COPB1: variants seen among roughly 807,000 people sequenced by gnomAD.
The protein encoded by COPB1 is coat protein complex I subunit beta 1.
COPB1 carries 21 observed loss-of-function variants against 108.7 expected under a neutral mutation model. That is an observed-to-expected ratio of 0.19 (90% CI 0.14 to 0.28). The LOEUF is 0.28. COPB1 is among the 10% of genes least tolerant of loss of function. The pLI is 1.00. For synonymous variants in COPB1, 378 were observed against 386.8 expected, an observed-to-expected ratio of 0.98 and a Z score of 0.27; for missense variants, 919 against 1,141.3, an observed-to-expected ratio of 0.81 and a Z score of 2.81.
chr11:14,496,056 A>T (rs1479146623), intron 2 of COPB1, among the ~76,000 whole-genome samples: 1 of 152,210 alleles, frequency 6.6e-6, no homozygotes, highest in Non-Finnish European at 1.5e-5. Flanking sequence ...GAGGTATTCC[A>T]TTACTGCTGA....
intron 21 of COPB1, 124 bp from the exon 22 acceptor site, chr11:14,458,007 C>T (rs72868007): frequency 2.0e-6 from 1 of 493,912 alleles, no homozygotes; most frequent in East Asian, 3.8e-5. Flanking sequence ...CAAGGACATA[C>T]CAAACAGACT....
chr11:14,470,940 ACACACTCT>A (rs1201503698), intron 14 of COPB1, among the ~76,000 whole-genome samples: 2 of 85,770 alleles, frequency 2.3e-5, no homozygotes, highest in African/African-American at 5.1e-5. Context: ...ACACACACAC[ACACACTCT>A]CTCTCTCTCT....
At chr11:14,475,090 T>A (rs1850491666) in intron 13 of COPB1, among the ~76,000 whole-genome samples, 1 of 85,272 alleles carries the variant, frequency 1.2e-5, no homozygotes, top group East Asian at 2.9e-4. Flanking sequence ...CAAGACTCTG[T>A]GTCAAAAAAA....
intron 18 of COPB1, among the ~76,000 whole-genome samples, chr11:14,463,954 C>G (rs368363968): frequency 1.5e-4 from 23 of 152,300 alleles, no homozygotes; most frequent in African/African-American, 5.3e-4. Context: ...CTTCCTGCCT[C>G]TTCCAATCAA....
intron 4 of COPB1, among the ~76,000 whole-genome samples, chr11:14,491,465 T>C (rs1309462359): frequency 1.3e-5 from 2 of 151,874 alleles, no homozygotes; most frequent in Non-Finnish European, 2.9e-5. Context: ...AGGGTGGGAG[T>C]TTGAGATGAG....
chr11:14,483,746 TC>T (rs1392657874), intron 7 of COPB1, among the ~76,000 whole-genome samples: 1 of 152,096 alleles, frequency 6.6e-6, no homozygotes, highest in Non-Finnish European at 1.5e-5. Flanking sequence ...GAACAGCCCT[TC>T]CTTGCATAAG....
At chr11:14,486,872 T>C (rs1850786808) in intron 6 of COPB1, among the ~76,000 whole-genome samples, 1 of 152,044 alleles carries the variant, frequency 6.6e-6, no homozygotes, top group South Asian at 2.1e-4. Flanking sequence ...TATACACAAG[T>C]GAAAGAGAAA....
chr11:14,479,050 TTAATA>T, intron 11 of COPB1: 1 of 151,300 alleles, frequency 6.6e-6, no homozygotes, highest in Non-Finnish European at 1.5e-5. Context: ...TCCATAAATA[TTAATA>T]TATTTTCATA....
intron 11 of COPB1, among the ~76,000 whole-genome samples, chr11:14,477,970 C>T (rs2134110903): frequency 6.6e-6 from 1 of 150,526 alleles, no homozygotes; most frequent in East Asian, 1.9e-4. Flanking sequence ...AGCGCCACTG[C>T]ACTCCAGCCT....
chr11:14,465,736 C>T (rs988462680), intron 17 of COPB1, among the ~76,000 whole-genome samples: 2 of 152,124 alleles, frequency 1.3e-5, no homozygotes, highest in Non-Finnish European at 2.9e-5. Flanking sequence ...TTAACACTTG[C>T]ATAAGCCATA....
At chr11:14,461,458 TAC>T in intron 18 of COPB1, 127 bp from the exon 19 acceptor site, 1 of 898,106 alleles carries the variant, frequency 1.1e-6, no homozygotes, top group Non-Finnish European at 1.6e-6. Context: ...ACTTATTATG[TAC>T]AGAGCTCTAT....
chr11:14,486,555 C>G (rs1324366028), intron 6 of COPB1, 51 bp from the exon 7 acceptor site: 3 of 1,596,862 alleles, frequency 1.9e-6, no homozygotes, highest in African/African-American at 2.7e-5. Flanking sequence ...CGCTTGTTTT[C>G]AAATGGAGTT....
intron 10 of COPB1, among the ~76,000 whole-genome samples, chr11:14,480,378 A>C (rs1850635031): frequency 6.6e-6 from 1 of 152,232 alleles, no homozygotes; most frequent in Admixed American, 6.5e-5. Flanking sequence ...TGACAGTGAC[A>C]GCAAAATATT....
In COPB1 at chr11:14,479,419, G is replaced by C. The variant is rs945250899; in HGVS notation, c.1358+150C>G. ...GGGCCATTTATTATAGACTAAATGA[G>C]AGTGGAGTTAGCGAGATGCTTGTTG... On this transcript the variant is annotated intron_variant, in intron 11 of 21. Transcript: ENST00000439561. 191 of 610,368 alleles carry C rather than the reference G, an allele frequency of 3.1e-4. 2 individuals carry two copies. Among genetic ancestry groups the C allele is most frequent in the Middle Eastern group, 9.6e-4 (2 of 2,074 alleles). 37.8% of individuals were successfully genotyped at this position (610,368 alleles called of 1,614,324 possible).
rs147872848 is a variant in COPB1, at chr11:14,481,268, T to C, written c.958-171A>G. On this transcript the variant is annotated intron_variant, in intron 8 of 21. Transcript: ENST00000439561. ...GTTTGGGTCTCCTGATACACTGCAA[T>C]ATGAAATAATAGCACATGACACATT... is the stretch of plus-strand genomic sequence containing the variant. Among the ~76,000 whole-genome samples the C allele has an allele frequency of 4.6e-3, 707 of 152,340 alleles. 6 individuals carry two copies. The highest frequency in any genetic ancestry group is 7.7e-3 in the Non-Finnish European group (526 of 68,034).
chr11:14,477,389 CA>C (rs61014253), intron 11 of COPB1, among the ~76,000 whole-genome samples: 32,403 of 73,236 alleles, frequency 0.44, 5,803 homozygotes, highest in Middle Eastern at 0.56. Flanking sequence ...GACTCCGTCT[CA>C]AAAAAAAAAA....
At position 14,493,671 on chromosome 11, in the gene COPB1, A is replaced by G; in HGVS notation, c.462T>C (p.Asn154=). The change falls in exon 4 of 22, where the codon AAT becomes AAC. Residue 154 remains asparagine, a synonymous_variant. Transcript: ENST00000439561. ...LEHRHSYVRR[N]AVLAIYTIYR... ...AGATGGTATAGATGGCCAAAACAGCATTTCTTCTAACATAGCTGTGTCGAT... is the reference window on the plus strand; with the variant it reads ...AGATGGTATAGATGGCCAAAACAGCGTTTCTTCTAACATAGCTGTGTCGAT... 6.2e-7 allele frequency: 1 copy of G among 1,612,186 alleles called. No homozygotes were observed. Among genetic ancestry groups the G allele is most frequent in the Non-Finnish European group, 8.5e-7 (1 of 1,179,416 alleles).
intron 16 of COPB1, among the ~76,000 whole-genome samples, chr11:14,467,357 T>A (rs1018763484): frequency 6.6e-6 from 1 of 151,964 alleles, no homozygotes; most frequent in Non-Finnish European, 1.5e-5. Context: ...CACATACCCA[T>A]TAAGATGGCT....
At chr11:14,485,821 T>A (rs1850757857) in intron 7 of COPB1, among the ~76,000 whole-genome samples, 1 of 152,248 alleles carries the variant, frequency 6.6e-6, no homozygotes, top group Non-Finnish European at 1.5e-5. Flanking sequence ...CCAGCCTGGG[T>A]GACAAAGCAA....
Sources: gnomAD v4.1 joint callset for allele counts (sites outside exome capture counted in the v4.1 genomes callset) on GRCh38, gnomAD v4.1.1 for gene constraint, MANE v1.5 for transcripts, NCBI Gene and HGNC (gene_info 2026-07-23, HGNC 2026-07-21) for gene names.